The following NKAIN2 variants were observed in gnomAD, a reference collection of about 807,000 sequenced individuals.
The protein encoded by NKAIN2 is sodium/potassium transporting ATPase interacting 2, also known as sodium/potassium-transporting ATPase subunit beta-1-interacting protein 2.
In NKAIN2, 14 loss-of-function variants were observed where a neutral mutation model predicts 32.6. The ratio of observed to expected loss-of-function variants is 0.43; its 90% CI spans 0.28 to 0.67. The LOEUF (loss-of-function observed/expected upper bound fraction) is 0.67. Among genes scored for constraint, NKAIN2 ranks in the 30% least tolerant of loss-of-function variants. NKAIN2 has a pLI of 0.17. For synonymous variants in NKAIN2, 80 were observed against 87.2 expected (o/e 0.92, Z 0.46); for missense variants, 198 against 258.3 (o/e 0.77, Z 1.60).
At chr6:124,596,798 A>G (rs1409904005) in intron 3 of NKAIN2, among the ~76,000 whole-genome samples, 2 of 151,998 alleles carry the variant, frequency 1.3e-5, no homozygotes, top group Admixed American at 1.3e-4. Context: ...TAAGAGATTT[A>G]TTATAAGGAA....
chr6:124,325,002 C>T (rs1477462811), intron 2 of NKAIN2, among the ~76,000 whole-genome samples: 1 of 151,950 alleles, frequency 6.6e-6, no homozygotes, highest in Non-Finnish European at 1.5e-5. Flanking sequence ...ATGTAATTCT[C>T]TTCTTGTCTT....
At chr6:124,757,095 C>T (rs146111922) in intron 4 of NKAIN2, among the ~76,000 whole-genome samples, 3 of 102,802 alleles carry the variant, frequency 2.9e-5, no homozygotes, top group Non-Finnish European at 6.9e-5. Flanking sequence ...TTCTTCTATT[C>T]CCTCCACTGT....
chr6:124,464,358 A>G (rs1457409150), intron 3 of NKAIN2, among the ~76,000 whole-genome samples: 2 of 151,856 alleles, frequency 1.3e-5, no homozygotes, highest in Admixed American at 6.6e-5. Context: ...TTACATGTCT[A>G]TGATTGTGTC....
chr6:123,910,157 TTA>T (rs768771174), intron 1 of NKAIN2, among the ~76,000 whole-genome samples: 3 of 152,172 alleles, frequency 2.0e-5, no homozygotes, highest in East Asian at 3.9e-4. Context: ...GTGCAAATAA[TTA>T]TCTTTCTGCA....
intron 3 of NKAIN2, among the ~76,000 whole-genome samples, chr6:124,407,968 G>A (rs1773948349): frequency 6.6e-6 from 1 of 151,796 alleles, no homozygotes; most frequent in Non-Finnish European, 1.5e-5. Flanking sequence ...ATTTTTTCAT[G>A]TGTTTTTTGG....
intron 1 of NKAIN2, among the ~76,000 whole-genome samples, chr6:124,213,249 C>G (rs1791282443): frequency 6.6e-6 from 1 of 152,090 alleles, no homozygotes; most frequent in African/African-American, 2.4e-5. Context: ...CATCCTTTCT[C>G]TACTTTGAAT....
In NKAIN2 at chr6:124,310,519, A is replaced by C. The variant is rs142618578; in HGVS notation, c.192+27377A>C. Among the ~76,000 whole-genome samples the C allele has an allele frequency of 2.6e-3, 401 of 152,074 alleles. 2 individuals carry two copies. Among genetic ancestry groups the C allele is most frequent in the African/African-American group, 9.3e-3 (385 of 41,482 alleles). On this transcript the variant is annotated intron_variant, in intron 2 of 6. Transcript: ENST00000368417. ...TACAGCTCACAGAAAAACTAAATGT[A>C]CCTCCCTGGGTTGTGATTTGTTAGG...
intron 1 of NKAIN2, among the ~76,000 whole-genome samples, chr6:124,021,364 T>G (rs1005378245): frequency 1.3e-5 from 2 of 152,066 alleles, no homozygotes; most frequent in Non-Finnish European, 2.9e-5. Flanking sequence ...TCTCTTATAT[T>G]AACTAGTATG....
chr6:124,683,968 G>A (rs1773744528), intron 4 of NKAIN2, among the ~76,000 whole-genome samples: 1 of 152,132 alleles, frequency 6.6e-6, no homozygotes, highest in Non-Finnish European at 1.5e-5. Context: ...GTCCCCATAA[G>A]AAACCATTAA....
chr6:124,740,717 A>G (rs1298839020), intron 4 of NKAIN2, among the ~76,000 whole-genome samples: 3 of 151,918 alleles, frequency 2.0e-5, no homozygotes, highest in Non-Finnish European at 4.4e-5. Flanking sequence ...CTAAGAAACT[A>G]TAAGACAGCT....
At chr6:123,908,423 G>A (rs1252668060) in intron 1 of NKAIN2, among the ~76,000 whole-genome samples, 1 of 152,132 alleles carries the variant, frequency 6.6e-6, no homozygotes, top group Non-Finnish European at 1.5e-5. Flanking sequence ...ACTCTTGATT[G>A]CATGCATATC....
intron 1 of NKAIN2, among the ~76,000 whole-genome samples, chr6:124,266,359 C>G (rs1485652486): frequency 6.6e-6 from 1 of 152,100 alleles, no homozygotes; most frequent in African/African-American, 2.4e-5. Flanking sequence ...CTCACTTTAG[C>G]CTCGACTTCT....
intron 1 of NKAIN2, among the ~76,000 whole-genome samples, chr6:124,139,474 A>T (rs1004549070): frequency 6.6e-6 from 1 of 152,216 alleles, no homozygotes; most frequent in Admixed American, 6.5e-5. Flanking sequence ...GCTATGTGAG[A>T]AAAACATCTT....
chr6:124,501,675 C>A (rs1440661439), intron 3 of NKAIN2, among the ~76,000 whole-genome samples: 1 of 152,128 alleles, frequency 6.6e-6, no homozygotes, highest in African/African-American at 2.4e-5. Context: ...CTATAGCCCT[C>A]AAGTTTATGT....
intron 1 of NKAIN2, among the ~76,000 whole-genome samples, chr6:123,843,615 C>T (rs533698195): frequency 2.0e-5 from 3 of 152,126 alleles, no homozygotes; most frequent in African/African-American, 4.8e-5. Flanking sequence ...GTGGAGCCCT[C>T]ACCAGTGACC....
chr6:124,653,335 T>C (rs994681446), intron 3 of NKAIN2, among the ~76,000 whole-genome samples: 1 of 149,342 alleles, frequency 6.7e-6, no homozygotes, highest in African/African-American at 2.5e-5. Flanking sequence ...AACCTAGAAG[T>C]CCACCCACAC....
At chr6:124,776,204 CT>C (rs1778976213) in intron 4 of NKAIN2, among the ~76,000 whole-genome samples, 1 of 152,182 alleles carries the variant, frequency 6.6e-6, no homozygotes, top group Non-Finnish European at 1.5e-5. Flanking sequence ...TTCATTAAGT[CT>C]CCATGGACAT....
At chr6:124,408,660 G>A (rs1773991311) in intron 3 of NKAIN2, among the ~76,000 whole-genome samples, 1 of 152,124 alleles carries the variant, frequency 6.6e-6, no homozygotes, top group African/African-American at 2.4e-5. Context: ...TTTTGGCTTA[G>A]GATTGTCTTG....
At chr6:124,376,959 T>C (rs544411831) in intron 3 of NKAIN2, among the ~76,000 whole-genome samples, 1 of 152,296 alleles carries the variant, frequency 6.6e-6, no homozygotes, top group Non-Finnish European at 1.5e-5. Flanking sequence ...ATATTCTTGA[T>C]GAAGGAACTT....
Sources: gnomAD v4.1 joint callset for allele counts (sites outside exome capture counted in the v4.1 genomes callset) on GRCh38, gnomAD v4.1.1 for gene constraint, MANE v1.5 for transcripts, NCBI Gene and HGNC (gene_info 2026-07-23, HGNC 2026-07-21) for gene names.